CACNA1D: variants seen among roughly 807,000 people sequenced by gnomAD.
The protein encoded by CACNA1D is calcium voltage-gated channel subunit alpha1 D.
A neutral mutation model predicts 257.1 loss-of-function variants in CACNA1D; 55 were observed. The ratio of observed to expected loss-of-function variants is 0.21; its 90% CI spans 0.17 to 0.27. CACNA1D has a LOEUF of 0.27. CACNA1D is among the 10% of genes least tolerant of loss of function. The probability of loss-of-function intolerance (pLI) is 1.00; values close to 1 mark genes in which losing one functional copy is unlikely to be tolerated. For synonymous variants in CACNA1D, 980 were observed against 1,014.9 expected (o/e 0.97, Z 0.65); for missense variants, 1,876 against 2,784.0 (o/e 0.67, Z 7.34).
rs75873142 is a variant in CACNA1D, at chr3:53,503,389, A to G, written c.483+1669A>G. On this transcript the variant is annotated intron_variant, in intron 3 of 47. Transcript: ENST00000350061. Reference sequence around the variant, plus strand: ...AGAAGTGGTGGAAAGCCTCCCATCAATGGAGATAGATCATCGTAGTCTAGG... The same window carrying G: ...AGAAGTGGTGGAAAGCCTCCCATCAGTGGAGATAGATCATCGTAGTCTAGG... Among the ~76,000 whole-genome samples the G allele has an allele frequency of 2.1e-4, 32 of 152,356 alleles. No individual in the cohort carries two copies. The East Asian group carries it at 6.2e-3, about 29-fold the overall frequency.
intron 4 of CACNA1D, among the ~76,000 whole-genome samples, chr3:53,657,959 C>G (rs1324792000): frequency 1.3e-5 from 2 of 152,186 alleles, no homozygotes; most frequent in Admixed American, 6.5e-5. Flanking sequence ...AACTCTTATC[C>G]CATGCCTCCA....
At chr3:53,767,174 G>T (rs538008021) in intron 30 of CACNA1D, among the ~76,000 whole-genome samples, 8 of 152,266 alleles carry the variant, frequency 5.3e-5, no homozygotes, top group African/African-American at 1.9e-4. Flanking sequence ...AGCTGGTATA[G>T]GCCACCTGTT....
At chr3:53,569,921 C>T (rs896082736) in intron 3 of CACNA1D, among the ~76,000 whole-genome samples, 2 of 152,152 alleles carry the variant, frequency 1.3e-5, no homozygotes, top group Non-Finnish European at 2.9e-5. Context: ...GGAGAAATTA[C>T]ATGCTGAATA....
chr3:53,778,538 C>T (rs1279734063), intron 37 of CACNA1D, among the ~76,000 whole-genome samples: 1 of 152,196 alleles, frequency 6.6e-6, no homozygotes, highest in East Asian at 1.9e-4. Flanking sequence ...TTGGAACATG[C>T]TGTTAATGAA....
At position 53,738,886 on chromosome 3, in the gene CACNA1D, C is replaced by G. The variant is rs546194832; in HGVS notation, c.2752-1394C>G. The stretch of plus-strand genomic sequence containing the variant: ...CAGTGTCTTTCTGGGCTACTAGATG[C>G]TTTCCATGTTAATATTCCCACTGTG... On this transcript the variant is annotated intron_variant, in intron 20 of 47. Transcript: ENST00000350061. 4.0e-5 allele frequency among the ~76,000 whole-genome samples: 6 copies of G among 151,862 alleles called. No homozygotes were observed. The East Asian group carries it at 1.2e-3, about 29-fold the overall frequency.
intron 45 of CACNA1D, among the ~76,000 whole-genome samples, chr3:53,805,428 T>C (rs897189042): frequency 6.6e-6 from 1 of 152,190 alleles, no homozygotes; most frequent in Non-Finnish European, 1.5e-5. Context: ...AAGGGGTGTT[T>C]TGCATACATA....
chr3:53,703,699 C>T (rs1490702879), intron 9 of CACNA1D, among the ~76,000 whole-genome samples: 4 of 152,216 alleles, frequency 2.6e-5, no homozygotes, highest in South Asian at 2.1e-4. Context: ...GCCGGCCCTA[C>T]GTTGTAGAAG....
intron 40 of CACNA1D, chr3:53,791,852 C>T (rs2095484842): frequency 6.6e-6 from 1 of 152,236 alleles, no homozygotes; most frequent in African/African-American, 2.4e-5. Context: ...CACTGGGAGT[C>T]AGGGAACCTG....
chr3:53,564,216 A>G (rs1436897776), intron 3 of CACNA1D, among the ~76,000 whole-genome samples: 1 of 151,946 alleles, frequency 6.6e-6, no homozygotes, highest in Non-Finnish European at 1.5e-5. Context: ...GCTGGAGTGC[A>G]ATGGCATAAT....
chr3:53,631,263 A>G lies in CACNA1D; in HGVS notation c.484-19516A>G, dbSNP rs111532972. On this transcript the variant is annotated intron_variant, in intron 3 of 47. Transcript: ENST00000350061. ...AAACCCTGCCACTGCTTTATCAACT[A>G]TGTTTATGTGATATTCTAAACCCTC... Among the ~76,000 whole-genome samples the G allele has an allele frequency of 7.2e-3, 1,097 of 152,310 alleles. 14 individuals are homozygous for G. The highest frequency in any genetic ancestry group is 0.025 in the African/African-American group (1,042 of 41,558).
At chr3:53,739,121 A>G (rs2095088742) in intron 20 of CACNA1D, among the ~76,000 whole-genome samples, 1 of 152,192 alleles carries the variant, frequency 6.6e-6, no homozygotes, top group Non-Finnish European at 1.5e-5. Flanking sequence ...CACAGCCCCC[A>G]GGCGACTCCT....
intron 3 of CACNA1D, among the ~76,000 whole-genome samples, chr3:53,612,615 G>A (rs1418770624): frequency 1.3e-5 from 2 of 152,218 alleles, no homozygotes; most frequent in African/African-American, 4.8e-5. Context: ...AAAGACTGGA[G>A]GGTTTCCCTC....
At chr3:53,544,391 C>T (rs557423051) in intron 3 of CACNA1D, among the ~76,000 whole-genome samples, 11 of 152,024 alleles carry the variant, frequency 7.2e-5, no homozygotes, top group South Asian at 4.2e-4. Context: ...GGGTAGGGAC[C>T]GGCTGGAGGC....
chr3:53,544,034 C>T (rs982818905), intron 3 of CACNA1D, among the ~76,000 whole-genome samples: 2 of 152,168 alleles, frequency 1.3e-5, no homozygotes, highest in African/African-American at 4.8e-5. Context: ...CAGTCAATCT[C>T]TGTCAGCCCA....
At chr3:53,620,967 C>G (rs2093690718) in intron 3 of CACNA1D, among the ~76,000 whole-genome samples, 1 of 152,134 alleles carries the variant, frequency 6.6e-6, no homozygotes, top group Non-Finnish European at 1.5e-5. Flanking sequence ...CAGAGGAGCA[C>G]TGAGAAGGGA....
Position 53,501,595 on chromosome 3 carries a change from A to G in CACNA1D, c.378-20A>G. 4 of 1,251,288 alleles carry G rather than the reference A, an allele frequency of 3.2e-6. No individual in the cohort carries two copies. 77.5% of individuals were successfully genotyped at this position (1,251,288 alleles called of 1,614,324 possible). A position where few individuals can be genotyped will look rare whatever the true frequency, so the allele number is the denominator to read the frequency against. On this transcript the variant is annotated intron_variant, in intron 2 of 47. Transcript: ENST00000350061. ...GTTTATGTTTCCATAACACATATAT[A>G]CCTTAACACATTTTTTCAGACCATT...
chr3:53,680,945 T>C (rs2094424265), intron 8 of CACNA1D, among the ~76,000 whole-genome samples: 1 of 152,184 alleles, frequency 6.6e-6, no homozygotes, highest in Non-Finnish European at 1.5e-5. Context: ...AGGGAACTCT[T>C]CCTTGTTAAA....
chr3:53,661,997 T>C (rs1241380639), intron 5 of CACNA1D, among the ~76,000 whole-genome samples: 1 of 152,206 alleles, frequency 6.6e-6, no homozygotes, highest in Non-Finnish European at 1.5e-5. Flanking sequence ...CAAACTCAAA[T>C]AGGCTTTTGA....
intron 9 of CACNA1D, chr3:53,710,257 C>A: frequency 2.6e-6 from 1 of 386,432 alleles, no homozygotes; most frequent in Non-Finnish European, 5.2e-6. Context: ...GGATTCCTAG[C>A]AGGAGGGGTC....
Sources: gnomAD v4.1 joint callset for allele counts (sites outside exome capture counted in the v4.1 genomes callset) on GRCh38, gnomAD v4.1.1 for gene constraint, MANE v1.5 for transcripts, NCBI Gene and HGNC (gene_info 2026-07-23, HGNC 2026-07-21) for gene names.